Variants in USP4 observed in about 807,000 individuals in gnomAD.
USP4 encodes ubiquitin specific peptidase 4, also known as ubiquitin carboxyl-terminal hydrolase 4.
USP4 carries 72 observed loss-of-function variants against 118.2 expected under a neutral mutation model. The ratio of observed to expected loss-of-function variants is 0.61; its 90% CI spans 0.50 to 0.74. The LOEUF (loss-of-function observed/expected upper bound fraction) is 0.74. Ranked by LOEUF, USP4 falls within the 30% of genes least tolerant of loss-of-function variation. The probability of loss-of-function intolerance (pLI) is 0.00; values close to 1 mark genes in which losing one functional copy is unlikely to be tolerated. For missense variants in USP4, 1,037 were observed against 1,185.7 expected, an observed-to-expected ratio of 0.87 and a Z score of 1.84; for synonymous variants, 415 against 440.4, an observed-to-expected ratio of 0.94 and a Z score of 0.72.
chr3:49,301,005 C>A (rs2047257818), intron 10 of USP4, among the ~76,000 whole-genome samples: 1 of 152,106 alleles, frequency 6.6e-6, no homozygotes, highest in Non-Finnish European at 1.5e-5. Context: ...CTGGCGTGAT[C>A]ATGGTTCACT....
At chr3:49,280,531 G>C (rs1288787769) in intron 20 of USP4, among the ~76,000 whole-genome samples, 1 of 146,648 alleles carries the variant, frequency 6.8e-6, no homozygotes, top group Non-Finnish European at 1.5e-5. Context: ...CTGTGTTCTA[G>C]CCTGGGTGAC....
chr3:49,309,619 CTTTTTT>C (rs35128646), intron 8 of USP4, among the ~76,000 whole-genome samples: 14 of 79,396 alleles, frequency 1.8e-4, no homozygotes, highest in South Asian at 1.2e-3. Flanking sequence ...GGCGGGACAG[CTTTTTT>C]TTTTTTTTTT....
intron 16 of USP4, 135 bp from the exon 17 acceptor site, chr3:49,285,054 A>T (rs1259796742): frequency 1.5e-6 from 1 of 688,708 alleles, no homozygotes; most frequent in Non-Finnish European, 2.5e-6. Flanking sequence ...CAGTGTCAAG[A>T]GCAATGCTCT....
intron 13 of USP4, among the ~76,000 whole-genome samples, chr3:49,294,803 C>T (rs1269053458): frequency 6.6e-6 from 1 of 152,154 alleles, no homozygotes; most frequent in Non-Finnish European, 1.5e-5. Flanking sequence ...CAATGTGAAC[C>T]TATACAACCT....
rs754135910 is a variant in USP4, at chr3:49,330,200, A to AAACAAAC, written c.230-2385_230-2384insGTTTGTT. ...CAAACAAACAAACAAACAAACAAAC[A>AAACAAAC]AAAAAAGTTGAAATTACTTCTTGAC... On this transcript the variant is annotated intron_variant, in intron 2 of 21. Coordinates refer to ENST00000265560, the MANE Select transcript of USP4 (RefSeq NM_003363.4). 4.6e-3 allele frequency among the ~76,000 whole-genome samples: 694 copies of AAACAAAC among 151,856 alleles called. 8 individuals are homozygous for AAACAAAC. Among genetic ancestry groups the AAACAAAC allele is most frequent in the African/African-American group, 0.016 (656 of 41,364 alleles).
At chr3:49,300,790 C>T in intron 10 of USP4, 99 bp from the exon 11 acceptor site, 2 of 1,060,762 alleles carry the variant, frequency 1.9e-6, no homozygotes, top group Non-Finnish European at 2.8e-6. Context: ...AATCAGGTGG[C>T]AATCTGTACA....
At chr3:49,311,966 G>A in intron 6 of USP4, 2 of 970,584 alleles carry the variant, frequency 2.1e-6, no homozygotes, top group Non-Finnish European at 2.6e-6. Flanking sequence ...CAGATTGCCT[G>A]AGCTCAGGAG....
rs1463909274 is a variant in USP4 at position 49,302,505 on chromosome 3, T to C, written c.1166A>G (p.Tyr389Cys). Residue 389 changes from tyrosine (Y) to cysteine (C), a missense_variant, in exon 10 of 22, where the codon TAC (tyrosine) becomes TGC (cysteine). By Grantham distance (194) the Tyr-to-Cys change is radical. Coordinates refer to ENST00000265560, the MANE Select transcript of USP4 (RefSeq NM_003363.4). ...CAGCTCCTGAGAATCTTGTTGCTGGTAGCCAGAAAATTGAGGAGCAAAACG... is the reference window on the plus strand; with the variant it reads ...CAGCTCCTGAGAATCTTGTTGCTGGCAGCCAGAAAATTGAGGAGCAAAACG... ...VGRFAPQFSG[Y>C]QQQDSQELLA... 1.2e-6 allele frequency: 2 copies of C among 1,614,142 alleles called. No homozygotes were observed. The highest frequency in any genetic ancestry group is 8.5e-7 in the Non-Finnish European group (1 of 1,180,016).
chr3:49,317,405 C>G, intron 6 of USP4: 1 of 1,016,770 alleles, frequency 9.8e-7, no homozygotes, highest in African/African-American at 1.6e-5. Flanking sequence ...CATAGCTCCT[C>G]TATGCATTTG....
At position 49,340,005 on chromosome 3, in the gene USP4, C is replaced by T. The variant is rs774744848; in HGVS notation, c.20G>A (p.Cys7Tyr). Residue 7 changes from cysteine (C) to tyrosine (Y), a missense_variant, in exon 1 of 22, where the codon TGC becomes TAC. Physicochemically the swap from Cys to Tyr is radical, Grantham distance 194. Transcript: ENST00000265560. ...AGTCTCCGCATCCGGTCGCTCACGG[C>T]AGCCTCCACCTTCCGCCATCTCCTC... MAEGGGCRERPDAETQK... is the reference protein window; with the variant it reads MAEGGGYRERPDAETQK... The T allele has an allele frequency of 1.9e-6, 3 of 1,609,480 alleles. No homozygotes were observed. Among genetic ancestry groups the T allele is most frequent in the East Asian group, 2.2e-5 (1 of 44,858 alleles).
intron 2 of USP4, among the ~76,000 whole-genome samples, chr3:49,333,900 T>C (rs919665072): frequency 2.6e-5 from 4 of 152,052 alleles, no homozygotes; most frequent in African/African-American, 9.7e-5. Context: ...ATGCCTGTAA[T>C]CCTAGCTACT....
At chr3:49,310,489 C>T in intron 8 of USP4, 131 bp downstream of exon 8, 1 of 770,292 alleles carries the variant, frequency 1.3e-6, no homozygotes. Flanking sequence ...GATGCCCTAG[C>T]AGAGACTACT....
At chr3:49,319,310 G>A (rs1299827854) in intron 6 of USP4, among the ~76,000 whole-genome samples, 2 of 151,822 alleles carry the variant, frequency 1.3e-5, no homozygotes, top group Admixed American at 6.6e-5. Context: ...GTGCAGTGGC[G>A]CGATCTCGGC....
chr3:49,318,541 C>G, intron 6 of USP4: 1 of 985,392 alleles, frequency 1.0e-6, no homozygotes, highest in Non-Finnish European at 1.2e-6. Flanking sequence ...TGGAGCAATT[C>G]ACATGGAAGA....
intron 19 of USP4, among the ~76,000 whole-genome samples, chr3:49,281,526 A>T (rs1308296504): frequency 6.7e-6 from 1 of 149,632 alleles, no homozygotes; most frequent in African/African-American, 2.5e-5. Flanking sequence ...ACACACACAC[A>T]CACACATATA....
In USP4 at chr3:49,302,646, T is replaced by A. The variant is rs1015835526; in HGVS notation, c.1129-104A>T. ...AGCTCTGAGGAGTTAGCTGGGGCAG[T>A]GAGAGAGAACACTTGGTTGAGTAGT... On this transcript the variant is annotated intron_variant, in intron 9 of 21. Transcript: ENST00000265560. 3.4e-6 allele frequency: 4 copies of A among 1,159,774 alleles called. No individual in the cohort carries two copies. The African/African-American group carries it at 6.2e-5, about 18-fold the overall frequency. The allele number at this position is 1,159,774 out of a possible 1,614,324, so 71.8% of individuals were successfully genotyped here. A position where few individuals can be genotyped will look rare whatever the true frequency, so the allele number is the denominator to read the frequency against.
In USP4 at chr3:49,284,863, C is replaced by T. The variant is rs1446520061; in HGVS notation, c.2257G>A (p.Glu753Lys). ...GAGGGACCTACCTCAGATTCTTGCT[C>T]ATCATAGTAAAGTCTCCGAGTTTCA... ...DSETRRLYYD[E>K]QESEAYEKHV... Residue 753 changes from glutamate to lysine, a missense_variant, in exon 17 of 22, where the codon GAG becomes AAG. Transcript: ENST00000265560. The T allele has an allele frequency of 1.2e-6, 2 of 1,613,638 alleles. No individual in the cohort carries two copies. Among genetic ancestry groups the T allele is most frequent in the Non-Finnish European group, 1.7e-6 (2 of 1,179,822 alleles).
chr3:49,314,612 G>C (rs943615200), intron 6 of USP4, among the ~76,000 whole-genome samples: 6 of 152,222 alleles, frequency 3.9e-5, no homozygotes, highest in African/African-American at 1.4e-4. Flanking sequence ...AGCACTGAGG[G>C]AGGTAAGACA....
chr3:49,319,801 TA>T (rs931600722), intron 6 of USP4, among the ~76,000 whole-genome samples: 13 of 151,746 alleles, frequency 8.6e-5, no homozygotes, highest in African/African-American at 2.7e-4. Context: ...TTTTAGTAGA[TA>T]GGGGGGTCTC....
Sources: gnomAD v4.1 joint callset for allele counts (sites outside exome capture counted in the v4.1 genomes callset) on GRCh38, gnomAD v4.1.1 for gene constraint, MANE v1.5 for transcripts, NCBI Gene and HGNC (gene_info 2026-07-23, HGNC 2026-07-21) for gene names.